The following MYT1L variants were observed in gnomAD, a reference collection of about 807,000 sequenced individuals.
MYT1L encodes the protein myelin transcription factor 1-like protein.
MYT1L carries 12 observed loss-of-function variants against 126.7 expected under a neutral mutation model. The ratio of observed to expected loss-of-function variants is 0.09; its 90% confidence interval spans 0.06 to 0.15. MYT1L has a LOEUF of 0.15. MYT1L is among the 10% of genes least tolerant of loss of function. The probability of loss-of-function intolerance (pLI) is 1.00; values close to 1 mark genes in which losing one functional copy is unlikely to be tolerated. For missense variants in MYT1L, 979 were observed against 1,585.2 expected, an observed-to-expected ratio of 0.62 and a Z score of 6.49; for synonymous variants, 541 against 604.2, an observed-to-expected ratio of 0.90 and a Z score of 1.53.
At position 2,102,741 on chromosome 2, in the gene MYT1L, G is replaced by A. The variant is rs567859441; in HGVS notation, c.-303-48618C>T. On this transcript the variant is annotated intron_variant, in intron 3 of 24. Coordinates refer to ENST00000647738, the MANE Select transcript of MYT1L (RefSeq NM_001303052.2). Reference sequence around the variant, plus strand: ...GAGTGCTGGATGGGTGGAATCAATGGTCTGAAGTCACTATGGAGCCTGGAT... The same window carrying A: ...GAGTGCTGGATGGGTGGAATCAATGATCTGAAGTCACTATGGAGCCTGGAT... Among the ~76,000 whole-genome samples the A allele has an allele frequency of 2.6e-5, 4 of 151,812 alleles. No individual in the cohort carries two copies. In the South Asian group the frequency reaches 8.4e-4, roughly 32 times the overall value.
intron 1 of MYT1L, among the ~76,000 whole-genome samples, chr2:2,297,312 C>A (rs1315563357): frequency 2.0e-5 from 3 of 152,176 alleles, no homozygotes; most frequent in African/African-American, 7.2e-5. Context: ...CATGAAATTG[C>A]ATTTGAACAT....
Position 2,049,078 on chromosome 2 carries a change from A to T in MYT1L, c.-158+4900T>A, listed in dbSNP as rs746277698. Among the ~76,000 whole-genome samples, 11 of 152,370 alleles carry T rather than the reference A, an allele frequency of 7.2e-5. No homozygotes were observed. In the Middle Eastern group the frequency reaches 0.027, roughly 377 times the overall value. Reference sequence around the variant, plus strand: ...AATCATAACAATTATGATAGAAGCAACACAAATGAATCACTCTGAAAACAA... The same window carrying T: ...AATCATAACAATTATGATAGAAGCATCACAAATGAATCACTCTGAAAACAA... On this transcript the variant is annotated intron_variant, in intron 4 of 24. Transcript: ENST00000647738.
chr2:2,323,057 A>G (rs1474741175), intron 1 of MYT1L, among the ~76,000 whole-genome samples: 2 of 152,208 alleles, frequency 1.3e-5, no homozygotes, highest in Non-Finnish European at 2.9e-5. Flanking sequence ...TTATGCAGAA[A>G]AAGCTCAATG....
intron 2 of MYT1L, among the ~76,000 whole-genome samples, chr2:2,279,573 G>A (rs2385133): frequency 0.21 from 8,685 of 41,956 alleles, 365 homozygotes; most frequent in East Asian, 0.41. Context: ...ATGAATGAAG[G>A]AAGGAAGGAA....
At chr2:2,068,186 C>T (rs1189608943) in intron 3 of MYT1L, among the ~76,000 whole-genome samples, 2 of 152,094 alleles carry the variant, frequency 1.3e-5, no homozygotes, top group African/African-American at 4.8e-5. Flanking sequence ...CTTTAGAAGC[C>T]ACCCAGGGAG....
intron 3 of MYT1L, among the ~76,000 whole-genome samples, chr2:2,135,202 C>T (rs1264251846): frequency 6.6e-6 from 1 of 152,056 alleles, no homozygotes; most frequent in African/African-American, 2.4e-5. Context: ...ATGGGAGGGG[C>T]CTGGTGGAGG....
intron 2 of MYT1L, among the ~76,000 whole-genome samples, chr2:2,253,256 C>A (rs1222891450): frequency 6.6e-6 from 1 of 152,268 alleles, no homozygotes; most frequent in East Asian, 1.9e-4. Context: ...TGCTGCCCCC[C>A]TCGCAGGAGC....
At position 1,837,181 on chromosome 2, in the gene MYT1L, G is replaced by A. The variant is rs1257501670; in HGVS notation, c.3080+1968C>T. On this transcript the variant is annotated intron_variant, in intron 21 of 24. Transcript: ENST00000647738. ...AATGCAACCAGAGGCTGGGGAGTGG[G>A]AGGGAACAGCATTCATCTGGCACCT... Among the ~76,000 whole-genome samples, 3 of 152,210 alleles carry A rather than the reference G, an allele frequency of 2.0e-5. 1 individual carries two copies. The highest frequency in any genetic ancestry group is 1.5e-5 in the Non-Finnish European group (1 of 68,038).
At chr2:1,897,651 CAG>C (rs1227263459) in intron 14 of MYT1L, among the ~76,000 whole-genome samples, 1 of 152,038 alleles carries the variant, frequency 6.6e-6, no homozygotes, top group Non-Finnish European at 1.5e-5. Flanking sequence ...TTAGTAGAGA[CAG>C]GGTTTCACCA....
intron 5 of MYT1L, among the ~76,000 whole-genome samples, chr2:1,984,190 TGA>T (rs2060828408): frequency 6.6e-6 from 1 of 152,140 alleles, no homozygotes. Flanking sequence ...TTCCTCAAGT[TGA>T]GCCTCAGTGA....
chr2:1,917,118 A>G lies in MYT1L; in HGVS notation c.1618+87T>C, dbSNP rs1422682015. 1.3e-6 allele frequency: 2 copies of G among 1,502,220 alleles called. No homozygotes were observed. Among genetic ancestry groups the G allele is most frequent in the East Asian group, 2.3e-5 (1 of 43,900 alleles). The allele number at this position is 1,502,220 out of a possible 1,614,324, so 93.1% of individuals were successfully genotyped here. ...AAATCAGGTCGCACCGAGCCGTACA[A>G]TGGAGATGATGTCAGGTAAGAGGGA... On this transcript the variant is annotated intron_variant, in intron 11 of 24. Coordinates refer to ENST00000647738, the MANE Select transcript of MYT1L (RefSeq NM_001303052.2). This position sits in a 1 kb window ranked among gnomAD's most constrained non-coding sequence, Gnocchi z 5.9.
chr2:2,122,872 T>TGTGTGTGTGTGTGA lies in MYT1L; in HGVS notation c.-304+49999_-304+50000insTCACACACACACAC, dbSNP rs553951630. On this transcript the variant is annotated intron_variant, in intron 3 of 24. Coordinates refer to ENST00000647738, the MANE Select transcript of MYT1L (RefSeq NM_001303052.2). The stretch of plus-strand genomic sequence containing the variant: ...GTGTGTGTGTGTGTGTGTGTGTGTG[T>TGTGTGTGTGTGTGA]GAGAGAGAGAGAGAGAGAGACCAAT... Among the ~76,000 whole-genome samples the TGTGTGTGTGTGTGA allele has an allele frequency of 1.1e-3, 149 of 133,068 alleles. 1 individual carries two copies. The highest frequency in any genetic ancestry group is 3.3e-3 in the African/African-American group (110 of 33,794). 87.3% of individuals were successfully genotyped at this position (133,068 alleles called of 152,430 possible).
intron 21 of MYT1L, among the ~76,000 whole-genome samples, chr2:1,813,162 G>A (rs1015752855): frequency 6.6e-6 from 1 of 152,184 alleles, no homozygotes; most frequent in Non-Finnish European, 1.5e-5. Context: ...GGCATTGAGG[G>A]GCCAGGAGCT....
chr2:2,103,953 CT>C (rs781009529), intron 3 of MYT1L, among the ~76,000 whole-genome samples: 3 of 152,226 alleles, frequency 2.0e-5, no homozygotes, highest in Non-Finnish European at 4.4e-5. Flanking sequence ...CAGGAGCTGA[CT>C]CCAAGCCTCC....
intron 9 of MYT1L, among the ~76,000 whole-genome samples, chr2:1,926,833 C>A (rs1046052893): frequency 3.3e-5 from 5 of 152,242 alleles, no homozygotes; most frequent in Non-Finnish European, 7.3e-5. Flanking sequence ...GCCACTGAGC[C>A]TGGCCTCCAT....
chr2:2,148,196 C>T (rs2085187331), intron 3 of MYT1L, among the ~76,000 whole-genome samples: 1 of 152,214 alleles, frequency 6.6e-6, no homozygotes, highest in African/African-American at 2.4e-5. Flanking sequence ...AGGCATAAAG[C>T]AGTGCTCCCC....
At chr2:1,988,443 T>G (rs2061218416) in intron 5 of MYT1L, among the ~76,000 whole-genome samples, 1 of 152,200 alleles carries the variant, frequency 6.6e-6, no homozygotes, top group Non-Finnish European at 1.5e-5. Flanking sequence ...CAGATTTCAG[T>G]GTCTTCATAT....
chr2:1,902,391 C>T (rs943384439), intron 14 of MYT1L, among the ~76,000 whole-genome samples: 1 of 152,242 alleles, frequency 6.6e-6, no homozygotes, highest in African/African-American at 2.4e-5. Context: ...GGCAGCACCC[C>T]AGGCTGGGCC....
intron 3 of MYT1L, among the ~76,000 whole-genome samples, chr2:2,141,314 A>G (rs1375888848): frequency 6.6e-6 from 1 of 152,178 alleles, no homozygotes; most frequent in Non-Finnish European, 1.5e-5. Flanking sequence ...TTTTATGTCA[A>G]TAAATTTAAA....
Sources: gnomAD v4.1 joint callset for allele counts (sites outside exome capture counted in the v4.1 genomes callset) on GRCh38, gnomAD v4.1.1 for gene constraint, Gnocchi (gnomAD v3.1) non-coding constraint, MANE v1.5 for transcripts, NCBI Gene and HGNC (gene_info 2026-07-23, HGNC 2026-07-21) for gene names.